C1orf74: variants seen among roughly 807,000 people sequenced by gnomAD.
The protein encoded by C1orf74 is UPF0739 protein C1orf74.
A neutral mutation model predicts 7.3 loss-of-function variants in C1orf74; 5 were observed. The ratio of observed to expected loss-of-function variants is 0.68; its 90% CI spans 0.36 to 1.44. C1orf74 has a LOEUF of 1.44. C1orf74 is among the 40% of genes most tolerant of loss of function. The pLI, the probability that C1orf74 is intolerant of heterozygous loss-of-function variation, is 0.04. For synonymous variants in C1orf74, 121 were observed against 132.5 expected (o/e 0.91, Z 0.59); for missense variants, 291 against 314.3 (o/e 0.93, Z 0.56).
rs1249377829 is a variant in C1orf74, at chr1:209,781,387, T to C, written c.*1438A>G. 3 of 1,613,584 alleles carry C rather than the reference T, an allele frequency of 1.9e-6. No homozygotes were observed. The highest frequency in any genetic ancestry group is 2.5e-6 in the Non-Finnish European group (3 of 1,179,668). Reference sequence around the variant, plus strand: ...AGAATTAGACAACCTCAGTGACGAGTATCTCTCCTGCCTGCGTAAGCTGCA... The same window carrying C: ...AGAATTAGACAACCTCAGTGACGAGCATCTCTCCTGCCTGCGTAAGCTGCA... On this transcript the variant is annotated 3_prime_UTR_variant, in exon 2 of 2. Transcript: ENST00000294811.
chr1:209,781,243 T>C lies in C1orf74; in HGVS notation c.*1582A>G. On this transcript the variant is annotated 3_prime_UTR_variant, in exon 2 of 2. Coordinates refer to ENST00000294811, the MANE Select transcript of C1orf74 (RefSeq NM_152485.4). ...AATGGCTGGGAAGGGAAGATGGTGGTAAAAATTCCAAATGAGTGAAACTTA... is the reference window on the plus strand; with the variant it reads ...AATGGCTGGGAAGGGAAGATGGTGGCAAAAATTCCAAATGAGTGAAACTTA... 2 of 708,826 alleles carry C rather than the reference T, an allele frequency of 2.8e-6. No homozygotes were observed. Among genetic ancestry groups the C allele is most frequent in the Admixed American group, 4.7e-5 (2 of 42,912 alleles). The allele number at this position is 708,826 out of a possible 1,614,324, so 43.9% of individuals were successfully genotyped here. A position where few individuals can be genotyped will look rare whatever the true frequency, so the allele number is the denominator to read the frequency against.
In C1orf74 at chr1:209,782,135, A is replaced by AC. The variant is rs1387200598; in HGVS notation, c.*689dup. Reference sequence around the variant, plus strand: ...GCAGTGTTCCTGGCCAATAAAGACAACCTGATGATCTGAATAATTTGTGAC... The same window carrying AC: ...GCAGTGTTCCTGGCCAATAAAGACAACCCTGATGATCTGAATAATTTGTGAC... On this transcript the variant is annotated 3_prime_UTR_variant, in exon 2 of 2. Transcript: ENST00000294811. The AC allele has an allele frequency of 1.2e-6, 2 of 1,613,738 alleles. No individual in the cohort carries two copies. The highest frequency in any genetic ancestry group is 2.7e-5 in the African/African-American group (2 of 74,920).
rs746611557 is a variant in C1orf74, at chr1:209,779,252, T to C, written c.*3573A>G. The C allele has an allele frequency of 1.4e-6, 2 of 1,455,280 alleles. No homozygotes were observed. The highest frequency in any genetic ancestry group is 1.9e-6 in the Non-Finnish European group (2 of 1,044,910). 90.1% of individuals were successfully genotyped at this position (1,455,280 alleles called of 1,614,324 possible). On this transcript the variant is annotated 3_prime_UTR_variant, in exon 2 of 2. Coordinates refer to ENST00000294811, the MANE Select transcript of C1orf74 (RefSeq NM_152485.4). ...ATAACCAAGGTTCTAAGCAAAGTTC[T>C]GAAAAGAAAACTTTTTGTAGTAAAT...
At chr1:209,783,818 G>A (rs923300532) in intron 1 of C1orf74, 109 bp from the exon 2 acceptor site, 5 of 543,426 alleles carry the variant, frequency 9.2e-6, no homozygotes, top group Middle Eastern at 4.9e-4. Context: ...ACCCAGCCCA[G>A]ACAAGATAGT....
In C1orf74 at chr1:209,782,329, AG is replaced by A; in HGVS notation, c.*495del. ...GACCAGATTGTTCCTCAGAACTCTC[AG>A]TTTATTCCTGAATGGTGTATTACAT... is the stretch of plus-strand genomic sequence containing the variant. On this transcript the variant is annotated 3_prime_UTR_variant, in exon 2 of 2. Transcript: ENST00000294811. 1.7e-6 allele frequency: 1 copy of A among 592,216 alleles called. No individual in the cohort carries two copies. The highest frequency in any genetic ancestry group is 3.0e-6 in the Non-Finnish European group (1 of 329,134). 36.7% of individuals were successfully genotyped at this position (592,216 alleles called of 1,614,324 possible).
At position 209,780,023 on chromosome 1, in the gene C1orf74, G is replaced by A. The variant is rs2077742751; in HGVS notation, c.*2802C>T. On this transcript the variant is annotated 3_prime_UTR_variant, in exon 2 of 2. Transcript: ENST00000294811. Reference sequence around the variant, plus strand: ...TTTTCACCAAGACTAAGACTGCAGGGTGGCTAAAAAACCATCTTTAACCAT... The same window carrying A: ...TTTTCACCAAGACTAAGACTGCAGGATGGCTAAAAAACCATCTTTAACCAT... 1 of 157,606 alleles carries A rather than the reference G, an allele frequency of 6.3e-6. No homozygotes were observed. The highest frequency in any genetic ancestry group is 2.0e-4 in the South Asian group (1 of 5,050). The allele number at this position is 157,606 out of a possible 1,614,324, so 9.8% of individuals were successfully genotyped here.
In C1orf74 at chr1:209,781,982, GAAGA is replaced by G. The variant is rs1398776150; in HGVS notation, c.*839_*842del. 10 of 1,266,020 alleles carry G rather than the reference GAAGA, an allele frequency of 7.9e-6. No individual in the cohort carries two copies. Among genetic ancestry groups the G allele is most frequent in the Admixed American group, 1.7e-5 (1 of 58,950 alleles). The allele number at this position is 1,266,020 out of a possible 1,614,324, so 78.4% of individuals were successfully genotyped here. A position where few individuals can be genotyped will look rare whatever the true frequency, so the allele number is the denominator to read the frequency against. ...GTTTTCCACTGGGCTAGAGTAGGAA[GAAGA>G]AAGATTTTTGCCTATATCTTTTCCA... On this transcript the variant is annotated 3_prime_UTR_variant, in exon 2 of 2. Coordinates refer to ENST00000294811, the MANE Select transcript of C1orf74 (RefSeq NM_152485.4).
Position 209,783,424 on chromosome 1 carries a change from C to T in C1orf74, c.211G>A (p.Glu71Lys), listed in dbSNP as rs2077811108. Reference sequence around the variant, plus strand: ...AGGAAGCCAAGCCCCTTCAGCTCCTCCAGATAGCTCTGGAGCTCTGATGCC... The same window carrying T: ...AGGAAGCCAAGCCCCTTCAGCTCCTTCAGATAGCTCTGGAGCTCTGATGCC... ...AGASELQSYL[E>K]ELKGLGFLTF... The change falls in exon 2 of 2, where the codon GAG becomes AAG. Residue 71 changes from glutamate to lysine, a missense_variant. Coordinates refer to ENST00000294811, the MANE Select transcript of C1orf74 (RefSeq NM_152485.4). 6.2e-7 allele frequency: 1 copy of T among 1,614,072 alleles called. No homozygotes were observed. The highest frequency in any genetic ancestry group is 1.1e-5 in the South Asian group (1 of 91,084).
Position 209,782,208 on chromosome 1 carries a change from A to G in C1orf74, c.*617T>C. ...AAGCAAGCAACTCAGCGAAAAACTC[A>G]GAAGGTTTGGGTACATTACAGCTTG... On this transcript the variant is annotated 3_prime_UTR_variant, in exon 2 of 2. Transcript: ENST00000294811. 3 of 1,411,498 alleles carry G rather than the reference A, an allele frequency of 2.1e-6. No individual in the cohort carries two copies. The highest frequency in any genetic ancestry group is 3.0e-6 in the Non-Finnish European group (3 of 995,518). The allele number at this position is 1,411,498 out of a possible 1,614,324, so 87.4% of individuals were successfully genotyped here.
chr1:209,782,357 A>C lies in C1orf74; in HGVS notation c.*468T>G. The C allele has an allele frequency of 3.6e-6, 2 of 559,308 alleles. No homozygotes were observed. Among genetic ancestry groups the C allele is most frequent in the Non-Finnish European group, 6.4e-6 (2 of 311,414 alleles). 34.6% of individuals were successfully genotyped at this position (559,308 alleles called of 1,614,324 possible). ...TTATTCCTGAATGGTGTATTACATT[A>C]ACAAGTATCACATATTTAAGCATAC... is the stretch of plus-strand genomic sequence containing the variant. On this transcript the variant is annotated 3_prime_UTR_variant, in exon 2 of 2. Coordinates refer to ENST00000294811, the MANE Select transcript of C1orf74 (RefSeq NM_152485.4).
Position 209,781,550 on chromosome 1 carries a change from C to G in C1orf74, c.*1275G>C. ...GCACATAAAATATATCAGCCCACGC[C>G]AACAACTGGCCATCCTGTCCCACTG... On this transcript the variant is annotated 3_prime_UTR_variant, in exon 2 of 2. Transcript: ENST00000294811. 1.2e-6 allele frequency: 1 copy of G among 862,420 alleles called. No individual in the cohort carries two copies. 53.4% of individuals were successfully genotyped at this position (862,420 alleles called of 1,614,324 possible).
rs572875942 is a variant in C1orf74, at chr1:209,781,297, T to C, written c.*1528A>G. 9 of 1,359,888 alleles carry C rather than the reference T, an allele frequency of 6.6e-6. No individual in the cohort carries two copies. In the African/African-American group the frequency reaches 1.3e-4, roughly 19 times the overall value. 84.2% of individuals were successfully genotyped at this position (1,359,888 alleles called of 1,614,324 possible). A position where few individuals can be genotyped will look rare whatever the true frequency, so the allele number is the denominator to read the frequency against. On this transcript the variant is annotated 3_prime_UTR_variant, in exon 2 of 2. Transcript: ENST00000294811. ...AGGGCAGTCTCCCCTGCCTGGGCTC[T>C]GTCCTAGACAGAAGTGACAGTGATG...
chr1:209,779,471 C>A lies in C1orf74; in HGVS notation c.*3354G>T. ...CTACATGACCTCCTGGAGTCCCAGC[C>A]AGTTCTGGGAGTCTGTTAAGTCCGG... is the stretch of plus-strand genomic sequence containing the variant. On this transcript the variant is annotated 3_prime_UTR_variant, in exon 2 of 2. Transcript: ENST00000294811. 9.6e-7 allele frequency: 1 copy of A among 1,040,868 alleles called. No individual in the cohort carries two copies. Among genetic ancestry groups the A allele is most frequent in the Non-Finnish European group, 1.5e-6 (1 of 666,426 alleles). The allele number at this position is 1,040,868 out of a possible 1,614,324, so 64.5% of individuals were successfully genotyped here.
In C1orf74 at chr1:209,782,250, T is replaced by C; in HGVS notation, c.*575A>G. ...TACAGCTTGGGTTTTCCAACTGACT[T>C]AGGATTTCTGACTTTTTATTAATTT... On this transcript the variant is annotated 3_prime_UTR_variant, in exon 2 of 2. Coordinates refer to ENST00000294811, the MANE Select transcript of C1orf74 (RefSeq NM_152485.4). 1.1e-6 allele frequency: 1 copy of C among 879,646 alleles called. No individual in the cohort carries two copies. The highest frequency in any genetic ancestry group is 1.9e-6 in the Non-Finnish European group (1 of 529,840). 54.5% of individuals were successfully genotyped at this position (879,646 alleles called of 1,614,324 possible).
In C1orf74 at chr1:209,779,401, T is replaced by G; in HGVS notation, c.*3424A>C. 6.3e-7 allele frequency: 1 copy of G among 1,596,948 alleles called. No individual in the cohort carries two copies. Among genetic ancestry groups the G allele is most frequent in the African/African-American group, 1.3e-5 (1 of 74,716 alleles). On this transcript the variant is annotated 3_prime_UTR_variant, in exon 2 of 2. Coordinates refer to ENST00000294811, the MANE Select transcript of C1orf74 (RefSeq NM_152485.4). ...TCAGCAAATTTATTACCACAAATTCTAAGATATTGCTCTTCTCTTACCTGC... is the reference window on the plus strand; with the variant it reads ...TCAGCAAATTTATTACCACAAATTCGAAGATATTGCTCTTCTCTTACCTGC...
rs2077758856 is a variant in C1orf74, at chr1:209,780,707, G to A, written c.*2118C>T. The stretch of plus-strand genomic sequence containing the variant: ...GGATTTCAAAGTTTAAGTTGTGAGT[G>A]GATAACCACAGACATTCATTTGCCT... On this transcript the variant is annotated 3_prime_UTR_variant, in exon 2 of 2. Transcript: ENST00000294811. 2 of 1,128,050 alleles carry A rather than the reference G, an allele frequency of 1.8e-6. No homozygotes were observed. The highest frequency in any genetic ancestry group is 1.2e-6 in the Non-Finnish European group (1 of 842,500). The allele number at this position is 1,128,050 out of a possible 1,614,324, so 69.9% of individuals were successfully genotyped here. A position where few individuals can be genotyped will look rare whatever the true frequency, so the allele number is the denominator to read the frequency against.
In C1orf74 at chr1:209,782,311, T is replaced by A. The variant is rs570190103; in HGVS notation, c.*514A>T. Reference sequence around the variant, plus strand: ...TGTAAATAAACTTCACCTGACCAGATTGTTCCTCAGAACTCTCAGTTTATT... The same window carrying A: ...TGTAAATAAACTTCACCTGACCAGAATGTTCCTCAGAACTCTCAGTTTATT... On this transcript the variant is annotated 3_prime_UTR_variant, in exon 2 of 2. Coordinates refer to ENST00000294811, the MANE Select transcript of C1orf74 (RefSeq NM_152485.4). 67 of 611,756 alleles carry A rather than the reference T, an allele frequency of 1.1e-4. No individual in the cohort carries two copies. The East Asian group carries it at 1.7e-3, about 16-fold the overall frequency. The allele number at this position is 611,756 out of a possible 1,614,324, so 37.9% of individuals were successfully genotyped here. A position where few individuals can be genotyped will look rare whatever the true frequency, so the allele number is the denominator to read the frequency against.
Position 209,783,021 on chromosome 1 carries a change from G to A in C1orf74, c.614C>T (p.Ala205Val). ...TTGACCTAGCAACCATGAGATCCGGGCAGTGAATACTCGTAGTGGAGTCAG... is the reference window on the plus strand; with the variant it reads ...TTGACCTAGCAACCATGAGATCCGGACAGTGAATACTCGTAGTGGAGTCAG... ...LALTPLRVFT[A>V]RISWLLGQPP... Residue 205 changes from alanine (A) to valine (V), a missense_variant, in exon 2 of 2, where the codon GCC (alanine) becomes GTC (valine). Transcript: ENST00000294811. 1.9e-6 allele frequency: 3 copies of A among 1,614,142 alleles called. No individual in the cohort carries two copies. The highest frequency in any genetic ancestry group is 2.5e-6 in the Non-Finnish European group (3 of 1,180,022).
chr1:209,782,777 A>C lies in C1orf74; in HGVS notation c.*48T>G. 2 of 1,553,786 alleles carry C rather than the reference A, an allele frequency of 1.3e-6. No individual in the cohort carries two copies. Among genetic ancestry groups the C allele is most frequent in the Non-Finnish European group, 1.8e-6 (2 of 1,135,970 alleles). On this transcript the variant is annotated 3_prime_UTR_variant, in exon 2 of 2. Coordinates refer to ENST00000294811, the MANE Select transcript of C1orf74 (RefSeq NM_152485.4). The stretch of plus-strand genomic sequence containing the variant: ...GATGATTATTTGCCATCCCCAACCT[A>C]GAGATGATCATTTACTGAGTACCTT...
Sources: allele counts gnomAD v4.1 joint callset, GRCh38; gene constraint gnomAD v4.1.1; transcripts MANE v1.5; gene names NCBI Gene and HGNC (gene_info 2026-07-23, HGNC 2026-07-21).